TTC23: variants seen among roughly 807,000 people sequenced by gnomAD.
TTC23 encodes tetratricopeptide repeat domain 23.
A neutral mutation model predicts 55.1 loss-of-function variants in TTC23; 58 were observed. The ratio of observed to expected loss-of-function variants is 1.05; its 90% CI spans 0.85 to 1.31. The LOEUF is 1.31. Among genes scored for constraint, TTC23 ranks in the 50% most tolerant of loss-of-function variants. TTC23 has a pLI of 0.00. For missense variants in TTC23, 516 were observed against 534.4 expected (o/e 0.97, Z 0.34); for synonymous variants, 203 against 199.9 (o/e 1.02, Z -0.13).
intron 9 of TTC23, among the ~76,000 whole-genome samples, chr15:99,176,048 C>T (rs1028291997): frequency 7.2e-5 from 11 of 152,126 alleles, no homozygotes; most frequent in African/African-American, 2.2e-4. Flanking sequence ...AACATAAAAT[C>T]ACAATAGTCC....
intron 8 of TTC23, among the ~76,000 whole-genome samples, chr15:99,203,457 A>G (rs1197556065): frequency 6.6e-6 from 1 of 152,132 alleles, no homozygotes; most frequent in Non-Finnish European, 1.5e-5. Context: ...AGCATTTATC[A>G]TTTCTTTGTG....
intron 8 of TTC23, among the ~76,000 whole-genome samples, chr15:99,212,856 G>A (rs940570513): frequency 2.0e-5 from 3 of 151,908 alleles, no homozygotes; most frequent in Admixed American, 1.3e-4. Flanking sequence ...GCAGTGGCAC[G>A]TGCCTGTAGT....
At chr15:99,166,164 G>C (rs1273588753) in intron 10 of TTC23, among the ~76,000 whole-genome samples, 6 of 152,172 alleles carry the variant, frequency 3.9e-5, no homozygotes, top group African/African-American at 1.4e-4. Context: ...AGGGCTAGGG[G>C]GCATTTCCCT....
In TTC23 at chr15:99,221,735, G is replaced by C; in HGVS notation, c.304+6C>G. 6.2e-7 allele frequency: 1 copy of C among 1,613,932 alleles called. No individual in the cohort carries two copies. The highest frequency in any genetic ancestry group is 8.5e-7 in the Non-Finnish European group (1 of 1,179,854). ...ACTGATCCCCCTCAGTCTAAGGCGA[G>C]CTTACCTTTCAGCTGGAGGTAGCCT... On this transcript the variant is annotated splice_donor_region_variant and intron_variant, in intron 6 of 13. Transcript: ENST00000394132.
At position 99,189,584 on chromosome 15, in the gene TTC23, A is replaced by G. The variant is rs182048626; in HGVS notation, c.759+10335T>C. On this transcript the variant is annotated intron_variant, in intron 9 of 13. Coordinates refer to ENST00000394132, the MANE Select transcript of TTC23 (RefSeq NM_001288615.3). Reference sequence around the variant, plus strand: ...TTCATGTGCCTCTGAATGAAATATCACAAGAAGGTACAATATCCCTTTGTA... The same window carrying G: ...TTCATGTGCCTCTGAATGAAATATCGCAAGAAGGTACAATATCCCTTTGTA... Among the ~76,000 whole-genome samples the G allele has an allele frequency of 3.2e-3, 493 of 152,230 alleles. 2 individuals carry two copies. Among genetic ancestry groups the G allele is most frequent in the African/African-American group, 0.011 (437 of 41,498 alleles).
At chr15:99,246,060 T>C (rs940082388) in intron 1 of TTC23, among the ~76,000 whole-genome samples, 6 of 152,102 alleles carry the variant, frequency 3.9e-5, no homozygotes, top group Non-Finnish European at 7.3e-5. Context: ...TCCACCCGAC[T>C]TGGCCTCCCA....
At chr15:99,199,860 G>A (rs1031850187) in intron 9 of TTC23, 59 bp downstream of exon 9, 1 of 1,493,212 alleles carries the variant, frequency 6.7e-7, no homozygotes, top group South Asian at 1.4e-5. Context: ...TGTGCCACTT[G>A]TGTCTATGAA....
chr15:99,230,721 T>TA (rs2078869700), intron 4 of TTC23, among the ~76,000 whole-genome samples: 1 of 152,170 alleles, frequency 6.6e-6, no homozygotes, highest in African/African-American at 2.4e-5. Flanking sequence ...ATCTTTAAAG[T>TA]ATGGAAAGAA....
intron 9 of TTC23, among the ~76,000 whole-genome samples, chr15:99,194,701 A>C (rs2602035): frequency 0.82 from 124,319 of 152,148 alleles, 51,262 homozygotes; most frequent in East Asian, 0.93. Flanking sequence ...TTTGGGAGGC[A>C]CAGGTAGGCA....
chr15:99,209,656 T>C (rs2076884127), intron 8 of TTC23, among the ~76,000 whole-genome samples: 1 of 152,142 alleles, frequency 6.6e-6, no homozygotes, highest in Non-Finnish European at 1.5e-5. Context: ...TGAAAGGAGA[T>C]GACATCTGTA....
intron 8 of TTC23, among the ~76,000 whole-genome samples, chr15:99,203,844 G>C (rs1567475864): frequency 1.3e-5 from 2 of 151,552 alleles, no homozygotes; most frequent in Admixed American, 6.6e-5. Context: ...TTTTTTAATG[G>C]CTAATATTCC....
At chr15:99,144,561 C>T (rs2068612194) in intron 12 of TTC23, 1 of 152,180 alleles carries the variant, frequency 6.6e-6, no homozygotes, top group African/African-American at 2.4e-5. Context: ...TGAGGAATTT[C>T]AGATGATGAA....
chr15:99,184,920 G>T (rs1331937503), intron 9 of TTC23, among the ~76,000 whole-genome samples: 1 of 152,094 alleles, frequency 6.6e-6, no homozygotes, highest in East Asian at 1.9e-4. Context: ...AATCATGGGG[G>T]TGGTTTCCCC....
chr15:99,165,015 A>G (rs2071873861), intron 10 of TTC23, among the ~76,000 whole-genome samples: 1 of 152,162 alleles, frequency 6.6e-6, no homozygotes, highest in African/African-American at 2.4e-5. Context: ...CCTTATAAGG[A>G]GGTATAAGGA....
chr15:99,225,826 A>T (rs565173035), intron 5 of TTC23, among the ~76,000 whole-genome samples: 2 of 152,326 alleles, frequency 1.3e-5, no homozygotes, highest in African/African-American at 4.8e-5. Flanking sequence ...CAAAGGGAAA[A>T]ATGGCAATTC....
intron 9 of TTC23, among the ~76,000 whole-genome samples, chr15:99,192,788 G>T (rs999061567): frequency 2.6e-5 from 4 of 152,192 alleles, no homozygotes; most frequent in African/African-American, 9.7e-5. Context: ...TAGATCCATT[G>T]ACAGTTTGCA....
intron 12 of TTC23, among the ~76,000 whole-genome samples, chr15:99,153,367 CCTAA>C (rs1231067056): frequency 1.3e-5 from 2 of 152,198 alleles, no homozygotes; most frequent in Non-Finnish European, 2.9e-5. Context: ...CTATTTACTA[CCTAA>C]CTGATAGCAG....
At position 99,212,291 on chromosome 15, in the gene TTC23, T is replaced by C. The variant is rs912970938; in HGVS notation, c.581+6297A>G. Among the ~76,000 whole-genome samples the C allele has an allele frequency of 4.7e-5, 7 of 149,008 alleles. No individual in the cohort carries two copies. The East Asian group carries it at 6.0e-4, about 13-fold the overall frequency. On this transcript the variant is annotated intron_variant, in intron 8 of 13. Transcript: ENST00000394132. ...GTGTGTGTGTGTGTGTGTGTGTGTG[T>C]GCATGCATGTGCAATGGCATATGCC...
chr15:99,153,041 T>A (rs1182402491), intron 12 of TTC23, among the ~76,000 whole-genome samples: 1 of 152,184 alleles, frequency 6.6e-6, no homozygotes, highest in Non-Finnish European at 1.5e-5. Context: ...TCAAGTGGTC[T>A]GCCTTCCTTG....
Sources: allele counts gnomAD v4.1 joint callset (sites outside exome capture counted in the v4.1 genomes callset), GRCh38; gene constraint gnomAD v4.1.1; transcripts MANE v1.5; gene names NCBI Gene and HGNC (gene_info 2026-07-23, HGNC 2026-07-21).